SP110: variants seen among roughly 807,000 people sequenced by gnomAD.
The protein encoded by SP110 is interferon-induced protein 41, 30kD.
A neutral mutation model predicts 92.7 loss-of-function variants in SP110; 62 were observed. The observed-to-expected ratio is 0.67, with a 90% confidence interval of 0.55 to 0.83. The LOEUF is 0.83. Ranked by LOEUF, SP110 falls within the 40% of genes least tolerant of loss-of-function variation. The pLI, the probability that SP110 is intolerant of heterozygous loss-of-function variation, is 0.00. For synonymous variants in SP110, 273 were observed against 305.3 expected, an observed-to-expected ratio of 0.89 and a Z score of 1.10; for missense variants, 793 against 863.9, an observed-to-expected ratio of 0.92 and a Z score of 1.03.
intron 14 of SP110, 187 bp downstream of exon 14, chr2:230,177,351 T>A: frequency 1.4e-6 from 1 of 696,292 alleles, no homozygotes; most frequent in Non-Finnish European, 2.5e-6. Flanking sequence ...CATTTAAAGT[T>A]CTCCACCATC....
rs369737388 is a variant in SP110, at chr2:230,213,036, G to A, written c.317-9C>T. The A allele has an allele frequency of 1.9e-6, 3 of 1,613,554 alleles. No individual in the cohort carries two copies. The highest frequency in any genetic ancestry group is 2.5e-6 in the Non-Finnish European group (3 of 1,179,834). On this transcript the variant is annotated splice_polypyrimidine_tract_variant and intron_variant, in intron 3 of 18. Coordinates refer to ENST00000258381, the MANE Select transcript of SP110 (RefSeq NM_080424.4). ...TTCATAGGAAGCACCAACTGGGATT[G>A]GTGAAGGGACACACATCAGTACCCT...
At chr2:230,170,577 G>T (rs200770911) in intron 18 of SP110, 44 bp downstream of exon 18, 23 of 1,612,128 alleles carry the variant, frequency 1.4e-5, no homozygotes, top group Non-Finnish European at 1.8e-5. Context: ...GAAATTAGGG[G>T]AAAGTAGAAA....
In SP110 at chr2:230,208,043, T is replaced by A; in HGVS notation, c.846A>T (p.Arg282Ser). 1 of 1,552,658 alleles carries A rather than the reference T, an allele frequency of 6.4e-7. No homozygotes were observed. Among genetic ancestry groups the A allele is most frequent in the Non-Finnish European group, 8.9e-7 (1 of 1,126,430 alleles). ...PSDKKGKKRK[R>S]CIWSTPKRRH... ...TCCTTTTTGGAGTTGACCAGATACA[T>A]CTTTTTCTTTTCTTTCCTAAAAAGA... The change falls in exon 8 of 19, where the codon AGA (arginine) becomes AGT (serine). Residue 282 changes from arginine (R) to serine (S), a missense_variant. Physicochemically the swap from Arg to Ser is moderately radical, Grantham distance 110 (BLOSUM62 -1). Coordinates refer to ENST00000258381, the MANE Select transcript of SP110 (RefSeq NM_080424.4).
intron 4 of SP110, 109 bp from the exon 5 acceptor site, chr2:230,212,539 G>T: frequency 9.3e-7 from 1 of 1,073,990 alleles, no homozygotes; most frequent in Non-Finnish European, 1.4e-6. Flanking sequence ...CAAGGGCAGA[G>T]GGTTGGAATG....
intron 10 of SP110, among the ~76,000 whole-genome samples, chr2:230,196,688 C>A (rs1217673559): frequency 6.6e-6 from 1 of 151,588 alleles, no homozygotes; most frequent in Non-Finnish European, 1.5e-5. Context: ...GCTATCCCTC[C>A]CTCCTCCCCG....
At chr2:230,188,551 C>A (rs2042464953) in intron 10 of SP110, among the ~76,000 whole-genome samples, 1 of 152,118 alleles carries the variant, frequency 6.6e-6, no homozygotes, top group South Asian at 2.1e-4. Context: ...AAGTGGGCAT[C>A]CTTGTCTTAT....
chr2:230,181,931 A>G (rs1050212126), intron 12 of SP110, among the ~76,000 whole-genome samples: 1 of 152,248 alleles, frequency 6.6e-6, no homozygotes, highest in Non-Finnish European at 1.5e-5. Flanking sequence ...ATACCATTTG[A>G]CTCAGCAAGC....
At chr2:230,177,797 G>A in intron 13 of SP110, 117 bp from the exon 14 acceptor site, 1 of 1,175,346 alleles carries the variant, frequency 8.5e-7, no homozygotes, top group Admixed American at 1.7e-5. Flanking sequence ...TCCTCTGTGA[G>A]GTGGAAGGAG....
rs530601510 is a variant in SP110 at position 230,166,501 on chromosome 2, T to C, written c.*2623A>G. ...ACTATAGAGCAATCTCATTTATAAA[T>C]ACAAATGTAAAATCCTCTGCAATGG... On this transcript the variant is annotated 3_prime_UTR_variant, in exon 19 of 19. Coordinates refer to ENST00000258381, the MANE Select transcript of SP110 (RefSeq NM_080424.4). Among the ~76,000 whole-genome samples, 2 of 152,172 alleles carry C rather than the reference T, an allele frequency of 1.3e-5. No individual in the cohort carries two copies. The highest frequency in any genetic ancestry group is 4.8e-5 in the African/African-American group (2 of 41,512).
In SP110 at chr2:230,170,692, C is replaced by T; in HGVS notation, c.1957G>A (p.Glu653Lys). Residue 653 changes from glutamate to lysine, a missense_variant, in exon 18 of 19, where the codon GAA (glutamate) becomes AAA (lysine). Coordinates refer to ENST00000258381, the MANE Select transcript of SP110 (RefSeq NM_080424.4). ...ACAAACCATGCCACCGTGTACATTT[C>T]CGTAATCAGCCTTTCCTTAACCAGG... ...LDLVKERLIT[E>K]MYTVAWFVRD... 1 of 1,614,106 alleles carries T rather than the reference C, an allele frequency of 6.2e-7. No homozygotes were observed.
chr2:230,190,894 C>T (rs1197594462), intron 10 of SP110, among the ~76,000 whole-genome samples: 1 of 152,160 alleles, frequency 6.6e-6, no homozygotes, highest in East Asian at 1.9e-4. Context: ...TCTGAGGTCT[C>T]TGTTCTGCTC....
rs778961431 is a variant in SP110, at chr2:230,213,030, G to A, written c.317-3C>T. 5 of 1,613,710 alleles carry A rather than the reference G, an allele frequency of 3.1e-6. 1 individual carries two copies. Among genetic ancestry groups the A allele is most frequent in the Non-Finnish European group, 4.2e-6 (5 of 1,179,882 alleles). On this transcript the variant is annotated splice_polypyrimidine_tract_variant and splice_region_variant and intron_variant, in intron 3 of 18. Transcript: ENST00000258381. ...CTGCCATTCATAGGAAGCACCAACT[G>A]GGATTGGTGAAGGGACACACATCAG... is the stretch of plus-strand genomic sequence containing the variant.
Position 230,178,461 on chromosome 2 carries a change from C to A in SP110, c.1349-206G>T, listed in dbSNP as rs1000115344. Among the ~76,000 whole-genome samples the A allele has an allele frequency of 5.4e-5, 8 of 148,698 alleles. No homozygotes were observed. The highest frequency in any genetic ancestry group is 7.4e-5 in the African/African-American group (3 of 40,492). ...ACCACCACTGCCACCAACACTATATCAAAAAAAAAAACATTTTAGTGGAAC... is the reference window on the plus strand; with the variant it reads ...ACCACCACTGCCACCAACACTATATAAAAAAAAAAAACATTTTAGTGGAAC... On this transcript the variant is annotated intron_variant, in intron 12 of 18. Transcript: ENST00000258381.
chr2:230,178,290 G>A (rs879135666), intron 12 of SP110, 35 bp from the exon 13 acceptor site: 1 of 1,209,964 alleles, frequency 8.3e-7, no homozygotes, highest in South Asian at 1.2e-5. Context: ...GTGTTATTCA[G>A]TCTTCACTCC....
rs989151312 is a variant in SP110, at chr2:230,217,065, G to C, written c.-1-137C>G. 3 of 652,120 alleles carry C rather than the reference G, an allele frequency of 4.6e-6. No homozygotes were observed. The African/African-American group carries it at 5.5e-5, about 12-fold the overall frequency. 40.4% of individuals were successfully genotyped at this position (652,120 alleles called of 1,614,324 possible). ...GATTGAGACCATCCTGGCCAACATG[G>C]TGAAACTCTGTCTCTACTAAAAATA... On this transcript the variant is annotated intron_variant, in intron 1 of 18. Transcript: ENST00000258381.
intron 10 of SP110, among the ~76,000 whole-genome samples, chr2:230,199,618 G>A (rs770276894): frequency 6.6e-6 from 1 of 151,810 alleles, no homozygotes; most frequent in Admixed American, 6.6e-5. Context: ...CGCTTTTTCT[G>A]GCTTGGATGT....
rs1441620017 is a variant in SP110 at position 230,212,881 on chromosome 2, T to C, written c.463A>G (p.Arg155Gly). The change falls in exon 4 of 19, where the codon AGA becomes GGA. Residue 155 changes from arginine to glycine, a missense_variant. Arg to Gly is a moderately radical substitution (Grantham distance 125). Transcript: ENST00000258381. The stretch of plus-strand genomic sequence containing the variant: ...GAGGATGTTCCAGGCTCACTGACTC[T>C]TGGCGCACAGGGTGAACAGCTTGGT... ...PQPSCSPCAP[R>G]VSEPGTSSQQ... 3 of 1,614,114 alleles carry C rather than the reference T, an allele frequency of 1.9e-6. No homozygotes were observed. The East Asian group carries it at 6.7e-5, about 36-fold the overall frequency.
At chr2:230,225,218 A>T (rs1319205048) in intron 1 of SP110, among the ~76,000 whole-genome samples, 1 of 152,138 alleles carries the variant, frequency 6.6e-6, no homozygotes, top group Admixed American at 6.5e-5. Context: ...TTAGAATTGC[A>T]CCTCATTTCT....
At chr2:230,220,277 A>G (rs183530684), upstream of SP110, among the ~76,000 whole-genome samples, 43 of 151,992 alleles carry the variant, frequency 2.8e-4, 1 homozygote, top group East Asian at 7.9e-3. Context: ...AACCACATCT[A>G]TTTTCCCATG....
Sources: allele counts gnomAD v4.1 joint callset (sites outside exome capture counted in the v4.1 genomes callset), GRCh38; gene constraint gnomAD v4.1.1; transcripts MANE v1.5; gene names NCBI Gene and HGNC (gene_info 2026-07-23, HGNC 2026-07-21).